UBB: variants seen among roughly 807,000 people sequenced by gnomAD.
The protein encoded by UBB is polyubiquitin-B.
A neutral mutation model predicts 12.5 loss-of-function variants in UBB; 11 were observed. The ratio of observed to expected loss-of-function variants is 0.88; its 90% CI spans 0.55 to 1.45. The LOEUF (loss-of-function observed/expected upper bound fraction) is 1.45. UBB is among the 40% of genes most tolerant of loss of function. The pLI, the probability that UBB is intolerant of heterozygous loss-of-function variation, is 0.00. For missense variants in UBB, 76 were observed against 286.9 expected (o/e 0.26, Z 5.31); for synonymous variants, 168 against 120.1 (o/e 1.40, Z -2.61).
intron 1 of UBB, 117 bp from the exon 2 acceptor site, chr17:16,381,785 A>G (rs374809382): frequency 4.6e-6 from 6 of 1,300,554 alleles, no homozygotes; most frequent in Middle Eastern, 2.6e-4. Context: ...CTTGCGGAAT[A>G]TTAACGTATT....
chr17:16,381,033 A>T (rs1432814185), upstream of UBB: 1 of 153,290 alleles, frequency 6.5e-6, no homozygotes, highest in East Asian at 1.9e-4. Context: ...CGTCTACGTG[A>T]GGGGTGATAA....
At chr17:16,381,815 A>G (rs1568883274) in intron 1 of UBB, 87 bp from the exon 2 acceptor site, 12 of 1,463,528 alleles carry the variant, frequency 8.2e-6, no homozygotes, top group African/African-American at 4.3e-5. Flanking sequence ...TTGAAGGAAT[A>G]GTTGCTAATT....
Position 16,382,198 on chromosome 17 carries a change from C to T in UBB, c.291C>T (p.Asp97=), listed in dbSNP as rs764619119. The T allele has an allele frequency of 3.9e-5, 63 of 1,611,356 alleles. No homozygotes were observed. Among genetic ancestry groups the T allele is most frequent in the Non-Finnish European group, 4.8e-5 (57 of 1,179,686 alleles). ...KTITLEVEPS[D]TIENVKAKIQ... is the part of the protein sequence containing the mutation. The stretch of plus-strand genomic sequence containing the variant: ...TCACCCTGGAAGTGGAGCCCAGTGA[C>T]ACCATCGAAAATGTGAAGGCCAAGA... The change falls in exon 2 of 2, where the codon GAC becomes GAT. Residue 97 remains aspartate (D), a synonymous_variant. Transcript: ENST00000302182.
upstream of UBB, chr17:16,380,882 G>T (rs952293276): frequency 1.3e-5 from 2 of 153,768 alleles, no homozygotes; most frequent in African/African-American, 2.4e-5. Flanking sequence ...AGAAGGAAGA[G>T]AAGCGCATAG....
At chr17:16,381,520 C>T (rs1356876992) in intron 1 of UBB, 2 of 241,626 alleles carry the variant, frequency 8.3e-6, no homozygotes, top group Non-Finnish European at 1.6e-5. Context: ...AGAAAGGTGC[C>T]CCTTCTTGTG....
At position 16,382,193 on chromosome 17, in the gene UBB, A is replaced by G. The variant is rs1262952120; in HGVS notation, c.286A>G (p.Ser96Gly). 2 of 1,611,178 alleles carry G rather than the reference A, an allele frequency of 1.2e-6. No individual in the cohort carries two copies. Among genetic ancestry groups the G allele is most frequent in the African/African-American group, 1.4e-5 (1 of 73,646 alleles). Residue 96 changes from serine to glycine, a missense_variant, in exon 2 of 2, where the codon AGT becomes GGT. Physicochemically the swap from Ser to Gly is moderately conservative, Grantham distance 56. Coordinates refer to ENST00000302182, the MANE Select transcript of UBB (RefSeq NM_018955.4). ...GACCATCACCCTGGAAGTGGAGCCC[A>G]GTGACACCATCGAAAATGTGAAGGC... ...GKTITLEVEP[S>G]DTIENVKAKI...
chr17:16,382,217 G>A lies in UBB; in HGVS notation c.310G>A (p.Ala104Thr). ...EPSDTIENVK[A>T]KIQDKEGIPP... ...CAGTGACACCATCGAAAATGTGAAGGCCAAGATCCAGGATAAAGAAGGCAT... is the reference window on the plus strand; with the variant it reads ...CAGTGACACCATCGAAAATGTGAAGACCAAGATCCAGGATAAAGAAGGCAT... Residue 104 changes from alanine to threonine, a missense_variant, in exon 2 of 2, where the codon GCC becomes ACC. Transcript: ENST00000302182. The A allele has an allele frequency of 1.9e-6, 3 of 1,610,976 alleles. No individual in the cohort carries two copies. Among genetic ancestry groups the A allele is most frequent in the Non-Finnish European group, 2.5e-6 (3 of 1,179,606 alleles).
chr17:16,381,127 T>C lies in UBB; in HGVS notation c.-64T>C, dbSNP rs1386755013. 3 of 151,812 alleles carry C rather than the reference T, an allele frequency of 2.0e-5. No individual in the cohort carries two copies. The highest frequency in any genetic ancestry group is 7.3e-5 in the African/African-American group (3 of 41,116). The allele number at this position is 151,812 out of a possible 1,614,324, so 9.4% of individuals were successfully genotyped here. A position where few individuals can be genotyped will look rare whatever the true frequency, so the allele number is the denominator to read the frequency against. On this transcript the variant is annotated 5_prime_UTR_variant, in exon 1 of 2. Coordinates refer to ENST00000302182, the MANE Select transcript of UBB (RefSeq NM_018955.4). ...GTTGGCTTTGTTGGGTGAGCTTGTT[T>C]GTGTCCCTGTGGGTGGACGTGGTTG... is the stretch of plus-strand genomic sequence containing the variant.
In UBB at chr17:16,382,012, C is replaced by T. The variant is rs2142925158; in HGVS notation, c.105C>T (p.Gly35=). The change falls in exon 2 of 2, where the codon GGC becomes GGT. Residue 35 remains glycine, a synonymous_variant. Transcript: ENST00000302182. ...NVKAKIQDKE[G]IPPDQQRLIF... ...AGGCCAAGATCCAGGATAAGGAAGGCATTCCCCCCGACCAGCAGAGGCTCA... is the reference window on the plus strand; with the variant it reads ...AGGCCAAGATCCAGGATAAGGAAGGTATTCCCCCCGACCAGCAGAGGCTCA... The T allele has an allele frequency of 9.3e-6, 15 of 1,612,906 alleles. No homozygotes were observed. The highest frequency in any genetic ancestry group is 1.3e-5 in the Non-Finnish European group (15 of 1,179,584).
chr17:16,380,848 G>A (rs993652817), upstream of UBB: 1 of 153,674 alleles, frequency 6.5e-6, no homozygotes, highest in African/African-American at 2.4e-5. Context: ...TCATCCGCCT[G>A]ATAATTTTCT....
chr17:16,382,219 C>T lies in UBB; in HGVS notation c.312C>T (p.Ala104=). 1 of 1,611,502 alleles carries T rather than the reference C, an allele frequency of 6.2e-7. No homozygotes were observed. The highest frequency in any genetic ancestry group is 1.1e-5 in the South Asian group (1 of 90,974). ...GTGACACCATCGAAAATGTGAAGGC[C>T]AAGATCCAGGATAAAGAAGGCATCC... ...EPSDTIENVK[A]KIQDKEGIPP... is the part of the protein sequence containing the mutation. The change falls in exon 2 of 2, where the codon GCC becomes GCT. Residue 104 remains alanine (A), a synonymous_variant. Coordinates refer to ENST00000302182, the MANE Select transcript of UBB (RefSeq NM_018955.4).
At position 16,381,928 on chromosome 17, in the gene UBB, C is replaced by G. The variant is rs776943922; in HGVS notation, c.21C>G (p.Thr7=). 2 of 1,614,112 alleles carry G rather than the reference C, an allele frequency of 1.2e-6. No individual in the cohort carries two copies. Among genetic ancestry groups the G allele is most frequent in the South Asian group, 1.1e-5 (1 of 91,090 alleles). ...TCAAAATGCAGATCTTCGTGAAAACCCTTACCGGCAAGACCATCACCCTTG... is the reference window on the plus strand; with the variant it reads ...TCAAAATGCAGATCTTCGTGAAAACGCTTACCGGCAAGACCATCACCCTTG... MQIFVK[T]LTGKTITLEV... Residue 7 remains threonine, a synonymous_variant, in exon 2 of 2, where the codon ACC becomes ACG. Coordinates refer to ENST00000302182, the MANE Select transcript of UBB (RefSeq NM_018955.4).
intron 1 of UBB, 71 bp downstream of exon 1, chr17:16,381,255 C>T (rs1054163731): frequency 3.9e-4 from 41 of 103,946 alleles, no homozygotes; most frequent in South Asian, 3.0e-3. Flanking sequence ...AAGGTGGAGG[C>T]TTCTTGGGGT....
intron 1 of UBB, 143 bp from the exon 2 acceptor site, chr17:16,381,759 T>C: frequency 8.8e-7 from 1 of 1,142,004 alleles, no homozygotes; most frequent in Admixed American, 2.8e-5. Flanking sequence ...CTTAGCCTTG[T>C]AAAATTGAGG....
chr17:16,380,960 A>C (rs912255521), upstream of UBB: 7 of 153,588 alleles, frequency 4.6e-5, no homozygotes, highest in African/African-American at 1.7e-4. Flanking sequence ...TCAGTTGAAA[A>C]GCCTAAACTG....
At position 16,382,483 on chromosome 17, in the gene UBB, G is replaced by A. The variant is rs138298095; in HGVS notation, c.576G>A (p.Gln192=). 7 of 1,612,194 alleles carry A rather than the reference G, an allele frequency of 4.3e-6. No individual in the cohort carries two copies. Among genetic ancestry groups the A allele is most frequent in the Non-Finnish European group, 5.9e-6 (7 of 1,179,650 alleles). ...IQDKEGIPPD[Q]QRLIFAGKQL... ...ATAAAGAAGGCATCCCCCCCGACCA[G>A]CAGAGGCTCATCTTTGCAGGCAAGC... The change falls in exon 2 of 2, where the codon CAG becomes CAA. Residue 192 remains glutamine (Q), a synonymous_variant. Transcript: ENST00000302182.
At chr17:16,381,044 G>A (rs1474723794), upstream of UBB, 1 of 153,738 alleles carries the variant, frequency 6.5e-6, no homozygotes, top group East Asian at 1.9e-4. Context: ...GGGGTGATAA[G>A]TGACGCAACA....
rs1308224507 is a variant in UBB, at chr17:16,382,601, T to C, written c.*4T>C. ...GCGCCTGAGGGGTGGCTGTTAATTC[T>C]TCAGTCATGGCATTCGCAGTGCCCA... On this transcript the variant is annotated 3_prime_UTR_variant, in exon 2 of 2. Coordinates refer to ENST00000302182, the MANE Select transcript of UBB (RefSeq NM_018955.4). The C allele has an allele frequency of 1.2e-6, 2 of 1,613,784 alleles. No individual in the cohort carries two copies. Among genetic ancestry groups the C allele is most frequent in the South Asian group, 1.1e-5 (1 of 91,070 alleles).
chr17:16,382,640 T>G lies in UBB; in HGVS notation c.*43T>G. 1 of 1,608,314 alleles carries G rather than the reference T, an allele frequency of 6.2e-7. No individual in the cohort carries two copies. Among genetic ancestry groups the G allele is most frequent in the South Asian group, 1.1e-5 (1 of 90,628 alleles). ...TCGCAGTGCCCAGTGATGGCATTAC[T>G]CTGCACTATAGCCATTTGCCCCAAC... is the stretch of plus-strand genomic sequence containing the variant. On this transcript the variant is annotated 3_prime_UTR_variant, in exon 2 of 2. Transcript: ENST00000302182.
Sources: allele counts gnomAD v4.1 joint callset, GRCh38; gene constraint gnomAD v4.1.1; transcripts MANE v1.5; gene names NCBI Gene and HGNC (gene_info 2026-07-23, HGNC 2026-07-21).